RIC3: variants seen among roughly 807,000 people sequenced by gnomAD.
RIC3 encodes the protein protein RIC-3.
RIC3 carries 28 observed loss-of-function variants against 27.3 expected under a neutral mutation model. The ratio of observed to expected loss-of-function variants is 1.02; its 90% CI spans 0.76 to 1.41. The LOEUF is 1.41. Among genes scored for constraint, RIC3 ranks in the 40% most tolerant of loss-of-function variants. The pLI is 0.00. For synonymous variants in RIC3, 184 were observed against 160.4 expected, an observed-to-expected ratio of 1.15 and a Z score of -1.11; for missense variants, 501 against 444.7, an observed-to-expected ratio of 1.13 and a Z score of -1.14.
chr11:8,129,966 C>T (rs1590172555), intron 4 of RIC3, among the ~76,000 whole-genome samples: 1 of 152,324 alleles, frequency 6.6e-6, no homozygotes, highest in Non-Finnish European at 1.5e-5. Context: ...AACTTATGAT[C>T]CCAACTCCAA....
intron 4 of RIC3, among the ~76,000 whole-genome samples, chr11:8,134,069 A>C (rs573575745): frequency 6.6e-6 from 1 of 151,990 alleles, no homozygotes; most frequent in East Asian, 1.9e-4. Context: ...ATACGTATAC[A>C]CGTGCCATGT....
At chr11:8,162,492 G>C (rs1330109368) in intron 1 of RIC3, among the ~76,000 whole-genome samples, 3 of 152,076 alleles carry the variant, frequency 2.0e-5, no homozygotes, top group Non-Finnish European at 2.9e-5. Flanking sequence ...CACACTCAAT[G>C]ATGCCTCATC....
At chr11:8,128,562 G>C (rs1947267934) in intron 4 of RIC3, among the ~76,000 whole-genome samples, 1 of 151,852 alleles carries the variant, frequency 6.6e-6, no homozygotes, top group African/African-American at 2.4e-5. Context: ...TCTCAACTTG[G>C]TTTGATACTC....
At chr11:8,116,712 C>G (rs1945895458) in intron 5 of RIC3, among the ~76,000 whole-genome samples, 1 of 152,092 alleles carries the variant, frequency 6.6e-6, no homozygotes, top group African/African-American at 2.4e-5. Flanking sequence ...CACAATATCA[C>G]CACATCTGTT....
At chr11:8,145,045 G>C (rs1207475474) in intron 1 of RIC3, among the ~76,000 whole-genome samples, 2 of 95,742 alleles carry the variant, frequency 2.1e-5, no homozygotes, top group East Asian at 7.9e-4. Flanking sequence ...TGGGGGGAGG[G>C]GGGAGGGATA....
chr11:8,094,915 G>C, the RIC3 span, among the ~76,000 whole-genome samples: 1,054 of 152,354 alleles, frequency 6.9e-3, 21 homozygotes, highest in African/African-American at 0.024. Flanking sequence ...GCTGCCACCT[G>C]TGTGGGTCAG....
At chr11:8,143,400 T>G (rs924795211) in intron 1 of RIC3, among the ~76,000 whole-genome samples, 4 of 123,600 alleles carry the variant, frequency 3.2e-5, no homozygotes, top group African/African-American at 1.2e-4. Flanking sequence ...AAACAGAGAG[T>G]CAAATCATGA....
chr11:8,165,915 GC>G (rs1456699331), intron 1 of RIC3, among the ~76,000 whole-genome samples: 1 of 66,584 alleles, frequency 1.5e-5, no homozygotes, highest in Non-Finnish European at 3.0e-5. Context: ...AGTAGCTGGG[GC>G]TACAGGTGCA....
chr11:8,141,475 T>C (rs1228893741), intron 1 of RIC3, among the ~76,000 whole-genome samples: 1 of 152,056 alleles, frequency 6.6e-6, no homozygotes, highest in African/African-American at 2.4e-5. Context: ...CAAGAGGAGC[T>C]AACTATCCTA....
chr11:8,165,685 A>C (rs1380454472), intron 1 of RIC3, among the ~76,000 whole-genome samples: 1 of 150,844 alleles, frequency 6.6e-6, no homozygotes, highest in African/African-American at 2.4e-5. Flanking sequence ...TGTATGATAT[A>C]TAAATTAGAT....
chr11:8,138,099 T>G (rs527670860), intron 3 of RIC3, among the ~76,000 whole-genome samples, 173 bp downstream of exon 3: 1 of 152,312 alleles, frequency 6.6e-6, no homozygotes, highest in South Asian at 2.1e-4. Context: ...CTTTTTGTAG[T>G]ACATCAATAT....
At chr11:8,133,981 C>CT (rs879399283) in intron 4 of RIC3, among the ~76,000 whole-genome samples, 2,238 of 145,150 alleles carry the variant, frequency 0.015, 17 homozygotes, top group Middle Eastern at 0.024. Flanking sequence ...CTATGGTTTT[C>CT]TTTTTTTTTT....
At chr11:8,145,608 A>G (rs1003172330) in intron 1 of RIC3, among the ~76,000 whole-genome samples, 3 of 152,164 alleles carry the variant, frequency 2.0e-5, no homozygotes, top group African/African-American at 7.2e-5. Flanking sequence ...CTCTTGAAAA[A>G]GGGGATCTTG....
At chr11:8,138,925 A>G in intron 2 of RIC3, 1 of 162,696 alleles carries the variant, frequency 6.1e-6, no homozygotes, top group East Asian at 1.8e-4. Context: ...GTCCCGTTCC[A>G]GCCAATGGAA....
At chr11:8,096,552 G>A in the RIC3 span, 1 of 712,968 alleles carries the variant, frequency 1.4e-6, no homozygotes, top group Non-Finnish European at 2.6e-6. Context: ...TGTAGATATG[G>A]CTAAGAGTGT....
At position 8,144,310 on chromosome 11, in the gene RIC3, G is replaced by T. The variant is rs11041765; in HGVS notation, c.125-4117C>A. 6.5e-4 allele frequency among the ~76,000 whole-genome samples: 96 copies of T among 147,356 alleles called. 1 individual carries two copies. Among genetic ancestry groups the T allele is most frequent in the Non-Finnish European group, 2.4e-4 (16 of 66,856 alleles). On this transcript the variant is annotated intron_variant, in intron 1 of 5. Transcript: ENST00000309737. ...CAAAGGGCTAATATCCAGAATCTAC[G>T]ATGAACTCAAACAAATTTACAAGAA...
chr11:8,163,974 C>T (rs1354914857), intron 1 of RIC3, among the ~76,000 whole-genome samples: 1 of 152,136 alleles, frequency 6.6e-6, no homozygotes, highest in Non-Finnish European at 1.5e-5. Flanking sequence ...ATAATTAAGA[C>T]AGCATGGTAC....
At chr11:8,095,967 C>T in the RIC3 span, among the ~76,000 whole-genome samples, 196 of 152,314 alleles carry the variant, frequency 1.3e-3, no homozygotes, top group African/African-American at 4.3e-3. Context: ...TACCAAGAGA[C>T]GGGGTAGATC....
chr11:8,161,817 C>A (rs753805598), intron 1 of RIC3, among the ~76,000 whole-genome samples: 7 of 152,140 alleles, frequency 4.6e-5, no homozygotes, highest in Non-Finnish European at 1.0e-4. Context: ...GCCAGCTCTA[C>A]ACACACACGT....
Sources: gnomAD v4.1 joint callset for allele counts (sites outside exome capture counted in the v4.1 genomes callset) on GRCh38, gnomAD v4.1.1 for gene constraint, MANE v1.5 for transcripts, NCBI Gene and HGNC (gene_info 2026-07-23, HGNC 2026-07-21) for gene names.